Variants in WWC2 observed in about 807,000 individuals in gnomAD.
WWC2 encodes the protein protein WWC2.
Under a neutral mutation model 138.5 loss-of-function variants are expected in WWC2, and 101 were observed. The ratio of observed to expected loss-of-function variants is 0.73; its 90% CI spans 0.62 to 0.86. The LOEUF (loss-of-function observed/expected upper bound fraction) is 0.86, where lower values mean the gene tolerates loss of function less well. WWC2 is among the 40% of genes least tolerant of loss of function. The pLI is 0.00. For missense variants in WWC2, 1,420 were observed against 1,419.4 expected, an observed-to-expected ratio of 1.00 and a Z score of -0.01; for synonymous variants, 558 against 538.4, an observed-to-expected ratio of 1.04 and a Z score of -0.50.
intron 1 of WWC2, among the ~76,000 whole-genome samples, chr4:183,149,646 A>AT (rs1444742296): frequency 6.8e-6 from 1 of 146,964 alleles, no homozygotes; most frequent in Non-Finnish European, 1.5e-5. Flanking sequence ...ATCTTTAAGT[A>AT]TTTTTTTAAT....
Position 183,320,004 on chromosome 4 carries a change from G to A in WWC2, c.*4275G>A. 1 of 1,613,914 alleles carries A rather than the reference G, an allele frequency of 6.2e-7. No individual in the cohort carries two copies. On this transcript the variant is annotated 3_prime_UTR_variant, in exon 23 of 23. Transcript: ENST00000403733. ...GGAGACCCTGAGTTCAGCAGGCAAA[G>A]CCAGGAAGGAGTCAAAGTCCTTGCA...
chr4:183,222,194 T>G (rs1344779158), intron 4 of WWC2, among the ~76,000 whole-genome samples: 1 of 152,136 alleles, frequency 6.6e-6, no homozygotes, highest in Non-Finnish European at 1.5e-5. Context: ...TGGTACATGA[T>G]TATATATACT....
intron 15 of WWC2, chr4:183,269,777 G>T: frequency 4.4e-6 from 1 of 225,952 alleles, no homozygotes. Context: ...GAGCTTTCGG[G>T]AAGATGTGAT....
intron 1 of WWC2, among the ~76,000 whole-genome samples, chr4:183,105,650 G>A (rs980798385): frequency 1.3e-5 from 2 of 152,154 alleles, no homozygotes; most frequent in African/African-American, 4.8e-5. Flanking sequence ...CAGCACTTTG[G>A]GAGGCCAAGG....
At chr4:183,119,137 C>T (rs902358997) in intron 1 of WWC2, among the ~76,000 whole-genome samples, 2 of 151,932 alleles carry the variant, frequency 1.3e-5, no homozygotes, top group African/African-American at 4.8e-5. Context: ...CAGTGTTTAC[C>T]TAAATTAGTG....
chr4:183,319,517 C>A lies in WWC2; in HGVS notation c.*3788C>A. 1.3e-6 allele frequency: 2 copies of A among 1,546,016 alleles called. No individual in the cohort carries two copies. Among genetic ancestry groups the A allele is most frequent in the South Asian group, 1.3e-5 (1 of 79,064 alleles). On this transcript the variant is annotated 3_prime_UTR_variant, in exon 23 of 23. Coordinates refer to ENST00000403733, the MANE Select transcript of WWC2 (RefSeq NM_024949.6). ...ACATCCTACCAAATCCAGTGTTGAGCAAGCGTCTCCTGAACAGCAGACGCT... is the reference window on the plus strand; with the variant it reads ...ACATCCTACCAAATCCAGTGTTGAGAAAGCGTCTCCTGAACAGCAGACGCT...
intron 1 of WWC2, among the ~76,000 whole-genome samples, chr4:183,128,337 AAAGAAAAAAAAAAG>A (rs1732821136): frequency 6.6e-6 from 1 of 151,308 alleles, no homozygotes; most frequent in African/African-American, 2.4e-5. Flanking sequence ...AGACTGTCTC[AAAGAAAAAAAAAAG>A]AAGAAGACAA....
chr4:183,305,002 AAGAAGGAGGCAATATGCC>A (rs1358201711), intron 21 of WWC2, among the ~76,000 whole-genome samples: 3 of 152,316 alleles, frequency 2.0e-5, no homozygotes, highest in South Asian at 4.1e-4. Context: ...GCTATAAGGG[AAGAAGGAGGCAATATGCC>A]AGAACAGATG....
chr4:183,203,816 CT>C (rs1378350543), intron 2 of WWC2, among the ~76,000 whole-genome samples: 1 of 152,086 alleles, frequency 6.6e-6, no homozygotes, highest in Non-Finnish European at 1.5e-5. Context: ...GTTTATTTTC[CT>C]TTTTTGTTTT....
intron 1 of WWC2, among the ~76,000 whole-genome samples, chr4:183,169,448 A>G (rs11313947): frequency 0.98 from 149,490 of 152,104 alleles, 73,507 homozygotes; most frequent in Middle Eastern, 1. Flanking sequence ...TTTTTTTTTT[A>G]TTTTTTCATA....
chr4:183,125,901 A>G (rs533083989), intron 1 of WWC2, among the ~76,000 whole-genome samples: 25 of 152,330 alleles, frequency 1.6e-4, no homozygotes, highest in Admixed American at 1.6e-3. Context: ...AATGAGAAGG[A>G]TTGGCCTTGT....
intron 1 of WWC2, among the ~76,000 whole-genome samples, chr4:183,130,056 C>CTTTTT (rs534398108): frequency 1.3e-4 from 18 of 139,778 alleles, no homozygotes; most frequent in South Asian, 9.2e-4. Context: ...TCCTAAGTAT[C>CTTTTT]TTTTTTTTTT....
Position 183,200,648 on chromosome 4 carries a change from G to A in WWC2, c.241+6940G>A, listed in dbSNP as rs1305431628. On this transcript the variant is annotated intron_variant, in intron 2 of 22. Coordinates refer to ENST00000403733, the MANE Select transcript of WWC2 (RefSeq NM_024949.6). ...AGAAAGATTTGCTTCCAAGCCACTC[G>A]TACGGTTGTTGGCAGGATTCACTTC... Among the ~76,000 whole-genome samples, 4 of 152,114 alleles carry A rather than the reference G, an allele frequency of 2.6e-5. No individual in the cohort carries two copies. The East Asian group carries it at 5.8e-4, about 22-fold the overall frequency.
chr4:183,279,993 A>G (rs1231106268), intron 16 of WWC2, among the ~76,000 whole-genome samples: 1 of 151,994 alleles, frequency 6.6e-6, no homozygotes, highest in African/African-American at 2.4e-5. Context: ...GGTTTGCCTT[A>G]TTTAGCTATT....
At chr4:183,156,301 C>T (rs1733802581) in intron 1 of WWC2, among the ~76,000 whole-genome samples, 1 of 150,688 alleles carries the variant, frequency 6.6e-6, no homozygotes. Flanking sequence ...GTTGGGATTA[C>T]AGGCGTGAGC....
intron 4 of WWC2, among the ~76,000 whole-genome samples, chr4:183,214,478 T>C (rs1735691991): frequency 6.6e-6 from 1 of 152,094 alleles, no homozygotes; most frequent in Non-Finnish European, 1.5e-5. Flanking sequence ...GCAAAAATCA[T>C]ATCAGTATTC....
intron 21 of WWC2, among the ~76,000 whole-genome samples, chr4:183,300,707 TACTC>T (rs1040977275): frequency 1.3e-5 from 2 of 151,372 alleles, no homozygotes; most frequent in African/African-American, 2.4e-5. Flanking sequence ...AGTATATTCT[TACTC>T]AGCAGGGAAG....
chr4:183,191,707 T>G (rs1314275563), intron 1 of WWC2, among the ~76,000 whole-genome samples: 2 of 141,900 alleles, frequency 1.4e-5, no homozygotes, highest in Non-Finnish European at 3.0e-5. Context: ...ATTTGTATTA[T>G]TTCTATTATT....
chr4:183,299,273 C>G (rs192232250), intron 21 of WWC2, among the ~76,000 whole-genome samples: 2 of 152,078 alleles, frequency 1.3e-5, no homozygotes, highest in African/African-American at 4.8e-5. Context: ...CTCTCAATAC[C>G]GTTACAATGG....
Sources: gnomAD v4.1 joint callset for allele counts (sites outside exome capture counted in the v4.1 genomes callset) on GRCh38, gnomAD v4.1.1 for gene constraint, MANE v1.5 for transcripts, NCBI Gene and HGNC (gene_info 2026-07-23, HGNC 2026-07-21) for gene names.